Variants in ZDHHC13 observed in about 807,000 individuals in gnomAD.
The protein encoded by ZDHHC13 is zDHHC palmitoyltransferase 13, also known as palmitoyltransferase ZDHHC13.
Under a neutral mutation model 86.0 loss-of-function variants are expected in ZDHHC13, and 85 were observed. The observed-to-expected ratio is 0.99, with a 90% CI of 0.83 to 1.18. The LOEUF (loss-of-function observed/expected upper bound fraction) is 1.18, where lower values mean the gene tolerates loss of function less well. Ranked by LOEUF, ZDHHC13 falls within the 50% of genes most tolerant of loss-of-function variation. The pLI is 0.00. For synonymous variants in ZDHHC13, 263 were observed against 246.4 expected (o/e 1.07, Z -0.63); for missense variants, 711 against 730.2 (o/e 0.97, Z 0.30).
At chr11:19,149,380 G>A (rs962868613) in intron 5 of ZDHHC13, 49 bp downstream of exon 5, 1 of 1,424,018 alleles carries the variant, frequency 7.0e-7, no homozygotes, top group Non-Finnish European at 9.3e-7. Flanking sequence ...ATCTGAAGAG[G>A]TTGGGGAAAT....
chr11:19,133,331 T>C (rs1052435500), intron 1 of ZDHHC13, among the ~76,000 whole-genome samples: 11 of 151,704 alleles, frequency 7.3e-5, no homozygotes, highest in Non-Finnish European at 1.2e-4. Context: ...CTTCCAGATA[T>C]ATGCTTTTGA....
chr11:19,147,495 G>T, intron 3 of ZDHHC13, 101 bp from the exon 4 acceptor site: 2 of 995,898 alleles, frequency 2.0e-6, no homozygotes, highest in Non-Finnish European at 3.0e-6. Context: ...ATCATAATTT[G>T]TTCTCCAACA....
chr11:19,151,872 C>G (rs1849616726), intron 6 of ZDHHC13, among the ~76,000 whole-genome samples: 1 of 151,728 alleles, frequency 6.6e-6, no homozygotes, highest in East Asian at 1.9e-4. Context: ...AAGTGTTAGC[C>G]AATAGAACAA....
intron 1 of ZDHHC13, among the ~76,000 whole-genome samples, chr11:19,136,252 A>G (rs1241806837): frequency 6.6e-6 from 1 of 152,208 alleles, no homozygotes; most frequent in Non-Finnish European, 1.5e-5. Context: ...CTGAAAACCA[A>G]GGCTCGAGAA....
chr11:19,155,183 A>C (rs1849722361), intron 8 of ZDHHC13, among the ~76,000 whole-genome samples: 1 of 152,178 alleles, frequency 6.6e-6, no homozygotes, highest in Non-Finnish European at 1.5e-5. Flanking sequence ...TTTCCAATAT[A>C]GAATACTGTT....
intron 1 of ZDHHC13, chr11:19,118,685 T>G (rs1295379798): frequency 1.3e-5 from 2 of 152,196 alleles, no homozygotes; most frequent in African/African-American, 4.8e-5. Flanking sequence ...AGAGAGATCA[T>G]TGTCGTTGTT....
chr11:19,161,031 A>G (rs534323307), intron 10 of ZDHHC13, among the ~76,000 whole-genome samples: 1 of 151,970 alleles, frequency 6.6e-6, no homozygotes, highest in Non-Finnish European at 1.5e-5. Flanking sequence ...TTGTGAGGGC[A>G]TATAAGTCAG....
intron 1 of ZDHHC13, among the ~76,000 whole-genome samples, chr11:19,137,063 A>C (rs964381603): frequency 6.6e-6 from 1 of 152,178 alleles, no homozygotes; most frequent in African/African-American, 2.4e-5. Context: ...TTCACACATA[A>C]CAGTATTAAC....
intron 1 of ZDHHC13, among the ~76,000 whole-genome samples, chr11:19,130,750 T>A (rs1287517087): frequency 6.6e-6 from 1 of 152,186 alleles, no homozygotes; most frequent in African/African-American, 2.4e-5. Context: ...GTTGTGCTGT[T>A]GCTTTCTGGC....
At chr11:19,138,988 C>T (rs1014128369) in intron 1 of ZDHHC13, among the ~76,000 whole-genome samples, 16 of 151,926 alleles carry the variant, frequency 1.1e-4, no homozygotes, top group Non-Finnish European at 1.9e-4. Flanking sequence ...GAAGCATTCC[C>T]TTTGAAAACT....
At chr11:19,132,211 G>A (rs1849016652) in intron 1 of ZDHHC13, among the ~76,000 whole-genome samples, 1 of 152,088 alleles carries the variant, frequency 6.6e-6, no homozygotes, top group Non-Finnish European at 1.5e-5. Flanking sequence ...AAAGACTATT[G>A]GATATTGTTT....
chr11:19,152,261 G>A lies in ZDHHC13; in HGVS notation c.688G>A (p.Val230Ile). Reference protein sequence around the residue: ...PLHWAVAAGNVNAVDKLLEAG... With the variant: ...PLHWAVAAGNINAVDKLLEAG... ...TCACTGGGCAGTTGCAGCAGGAAAT[G>A]TTAATGCAGTTGATAAGCTTTTGGA... is the stretch of plus-strand genomic sequence containing the variant. The change falls in exon 7 of 17, where the codon GTT (valine) becomes ATT (isoleucine). Residue 230 changes from valine (V) to isoleucine (I), a missense_variant. Coordinates refer to ENST00000446113, the MANE Select transcript of ZDHHC13 (RefSeq NM_019028.3). 1 of 1,613,394 alleles carries A rather than the reference G, an allele frequency of 6.2e-7. No homozygotes were observed. Among genetic ancestry groups the A allele is most frequent in the Non-Finnish European group, 8.5e-7 (1 of 1,179,514 alleles).
chr11:19,117,733 T>G lies in ZDHHC13; in HGVS notation c.27+457T>G. 1 of 162,630 alleles carries G rather than the reference T, an allele frequency of 6.1e-6. No homozygotes were observed. The highest frequency in any genetic ancestry group is 1.3e-5 in the Non-Finnish European group (1 of 75,162). 10.1% of individuals were successfully genotyped at this position (162,630 alleles called of 1,614,324 possible). A position where few individuals can be genotyped will look rare whatever the true frequency, so the allele number is the denominator to read the frequency against. ...CCCGCCTTCACCCCACCCAGTCCAGTTTTCGCTCCTGTTTCCGCATCCTTG... is the reference window on the plus strand; with the variant it reads ...CCCGCCTTCACCCCACCCAGTCCAGGTTTCGCTCCTGTTTCCGCATCCTTG... On this transcript the variant is annotated intron_variant, in intron 1 of 16. Transcript: ENST00000446113. The surrounding 1 kb of genome is among the most constrained non-coding windows in gnomAD (Gnocchi z 4.2).
At chr11:19,158,533 T>C (rs373827027) in intron 9 of ZDHHC13, among the ~76,000 whole-genome samples, 1 of 152,182 alleles carries the variant, frequency 6.6e-6, no homozygotes, top group East Asian at 1.9e-4. Context: ...GAAAGCTTGC[T>C]AAATGTAAAG....
intron 13 of ZDHHC13, among the ~76,000 whole-genome samples, chr11:19,165,836 C>T (rs1850050195): frequency 6.6e-6 from 1 of 152,180 alleles, no homozygotes; most frequent in Non-Finnish European, 1.5e-5. Context: ...GTCCAAAATC[C>T]CGCCTGGTTC....
chr11:19,132,002 T>C (rs1347527251), intron 1 of ZDHHC13, among the ~76,000 whole-genome samples: 2 of 152,254 alleles, frequency 1.3e-5, no homozygotes, highest in African/African-American at 4.8e-5. Flanking sequence ...TTCCTTTAAA[T>C]ACTTATACAT....
chr11:19,145,223 A>C (rs1450338803), intron 2 of ZDHHC13, among the ~76,000 whole-genome samples: 1 of 152,200 alleles, frequency 6.6e-6, no homozygotes, highest in Non-Finnish European at 1.5e-5. Flanking sequence ...ATACTATTTA[A>C]CTGATTAACT....
chr11:19,134,062 T>G (rs1849069160), intron 1 of ZDHHC13, among the ~76,000 whole-genome samples: 1 of 151,672 alleles, frequency 6.6e-6, no homozygotes, highest in African/African-American at 2.4e-5. Flanking sequence ...GAAAGGAAAT[T>G]CTGAAAACAT....
intron 10 of ZDHHC13, among the ~76,000 whole-genome samples, chr11:19,161,724 G>A (rs1431583637): frequency 6.7e-6 from 1 of 149,998 alleles, no homozygotes; most frequent in Admixed American, 6.6e-5. Context: ...AGTTTAAGAG[G>A]GATAAATACA....
Sources: gnomAD v4.1 joint callset for allele counts (sites outside exome capture counted in the v4.1 genomes callset) on GRCh38, gnomAD v4.1.1 for gene constraint, Gnocchi (gnomAD v3.1) non-coding constraint, MANE v1.5 for transcripts, NCBI Gene and HGNC (gene_info 2026-07-23, HGNC 2026-07-21) for gene names.